The following TEK variants were observed in gnomAD, a reference collection of about 807,000 sequenced individuals.
TEK encodes angiopoietin-1 receptor.
TEK carries 43 observed loss-of-function variants against 131.8 expected under a neutral mutation model. The observed-to-expected ratio is 0.33, with a 90% CI of 0.26 to 0.42. The LOEUF (loss-of-function observed/expected upper bound fraction) is 0.42, where lower values mean the gene tolerates loss of function less well. TEK is among the 10% of genes least tolerant of loss of function. TEK has a pLI of 1.00. For missense variants in TEK, 1,162 were observed against 1,384.4 expected (o/e 0.84, Z 2.55); for synonymous variants, 580 against 491.6 (o/e 1.18, Z -2.38).
chr9:27,151,115 C>T (rs1045634707), intron 1 of TEK, among the ~76,000 whole-genome samples: 3 of 152,154 alleles, frequency 2.0e-5, no homozygotes, highest in African/African-American at 7.2e-5. Flanking sequence ...TATTTCCAGT[C>T]TTGTATATTT....
rs542266167 is a variant in TEK, at chr9:27,126,871, C to G, written c.52+17229C>G. ...CCAGATTTGACTGGATTCCCCGAAG[C>G]AGGCCTCTCCTCACTCACACCCATT... On this transcript the variant is annotated intron_variant, in intron 1 of 22. Coordinates refer to ENST00000380036, the MANE Select transcript of TEK (RefSeq NM_000459.5). 6.6e-5 allele frequency among the ~76,000 whole-genome samples: 10 copies of G among 152,308 alleles called. No homozygotes were observed. The South Asian group carries it at 1.9e-3, about 28-fold the overall frequency.
intron 22 of TEK, 56 bp downstream of exon 22, chr9:27,228,361 G>A (rs1468245874): frequency 7.2e-7 from 1 of 1,385,334 alleles, no homozygotes; most frequent in African/African-American, 1.4e-5. Flanking sequence ...TGTGCCCAGG[G>A]TGGTTCATAA....
intron 2 of TEK, 135 bp from the exon 3 acceptor site, chr9:27,168,360 C>T: frequency 1.4e-6 from 1 of 705,988 alleles, no homozygotes; most frequent in South Asian, 1.5e-5. Flanking sequence ...CATTAGCCAC[C>T]ACTGTTTTTC....
At chr9:27,187,470 T>C (rs1308789828) in intron 9 of TEK, among the ~76,000 whole-genome samples, 1 of 152,198 alleles carries the variant, frequency 6.6e-6, no homozygotes, top group Non-Finnish European at 1.5e-5. Flanking sequence ...AGAATGGCTG[T>C]ATTATGTTCA....
chr9:27,145,230 G>A (rs546637214), intron 1 of TEK, among the ~76,000 whole-genome samples: 1 of 152,282 alleles, frequency 6.6e-6, no homozygotes, highest in South Asian at 2.1e-4. Flanking sequence ...GCAGAGAACT[G>A]GTCTCCTGTT....
intron 11 of TEK, among the ~76,000 whole-genome samples, chr9:27,194,267 A>G (rs1173011521): frequency 6.6e-6 from 1 of 152,226 alleles, no homozygotes; most frequent in Non-Finnish European, 1.5e-5. Flanking sequence ...AAGAACATCC[A>G]CTTTTCTTCT....
chr9:27,190,811 C>T (rs1447876457), intron 10 of TEK, 121 bp downstream of exon 10: 2 of 1,396,354 alleles, frequency 1.4e-6, no homozygotes, highest in Non-Finnish European at 2.0e-6. Flanking sequence ...GTGGCTGTTG[C>T]AGAGGATTCT....
intron 2 of TEK, among the ~76,000 whole-genome samples, chr9:27,165,545 A>G (rs552152459): frequency 3.3e-5 from 5 of 152,324 alleles, no homozygotes; most frequent in African/African-American, 1.2e-4. Context: ...ATGTCAGCAC[A>G]GCAGTGTTGC....
chr9:27,189,112 C>A lies in TEK; in HGVS notation c.1328-1417C>A, dbSNP rs545992071. Among the ~76,000 whole-genome samples, 18 of 152,266 alleles carry A rather than the reference C, an allele frequency of 1.2e-4. No homozygotes were observed. In the South Asian group the frequency reaches 3.7e-3, roughly 32 times the overall value. Reference sequence around the variant, plus strand: ...AAGGTTCTGCATTGTATAATACACACTCTTGGGGAGGAAAAACAAAACGAG... The same window carrying A: ...AAGGTTCTGCATTGTATAATACACAATCTTGGGGAGGAAAAACAAAACGAG... On this transcript the variant is annotated intron_variant, in intron 9 of 22. Coordinates refer to ENST00000380036, the MANE Select transcript of TEK (RefSeq NM_000459.5).
chr9:27,183,969 A>G (rs1472440571), intron 8 of TEK, among the ~76,000 whole-genome samples: 2 of 152,162 alleles, frequency 1.3e-5, no homozygotes, highest in Non-Finnish European at 2.9e-5. Context: ...AACTACTCAT[A>G]TCAGGAGAGT....
At chr9:27,219,990 A>T in intron 20 of TEK, 59 bp from the exon 21 acceptor site, 4 of 1,557,556 alleles carry the variant, frequency 2.6e-6, no homozygotes, top group Non-Finnish European at 3.5e-6. Flanking sequence ...GAAACCCTGG[A>T]CAGGAAGCAT....
chr9:27,139,239 A>AT (rs1334432359), intron 1 of TEK, among the ~76,000 whole-genome samples: 2 of 122,730 alleles, frequency 1.6e-5, no homozygotes, highest in Non-Finnish European at 3.5e-5. Flanking sequence ...TAGGATTCTT[A>AT]TTTTTTATTG....
At chr9:27,196,762 CTTTTTTTTTTTTT>C (rs367911024) in intron 11 of TEK, among the ~76,000 whole-genome samples, 5 of 99,290 alleles carry the variant, frequency 5.0e-5, no homozygotes, top group Admixed American at 2.1e-4. Context: ...GTGCTATACA[CTTTTTTTTTTTTT>C]TTTTTTTTTT....
chr9:27,166,619 A>AT (rs1361146759), intron 2 of TEK, among the ~76,000 whole-genome samples: 2 of 152,026 alleles, frequency 1.3e-5, no homozygotes, highest in Admixed American at 6.6e-5. Context: ...CTTTATAATA[A>AT]TTTTTTCTGT....
chr9:27,138,155 A>G (rs1822567848), intron 1 of TEK, among the ~76,000 whole-genome samples: 1 of 152,262 alleles, frequency 6.6e-6, no homozygotes, highest in Non-Finnish European at 1.5e-5. Context: ...AAGGTAGTGC[A>G]GACCCAAAGA....
intron 18 of TEK, among the ~76,000 whole-genome samples, chr9:27,215,151 A>G (rs1484471224): frequency 6.6e-6 from 1 of 152,194 alleles, no homozygotes; most frequent in Non-Finnish European, 1.5e-5. Flanking sequence ...GCCTCCCAAG[A>G]CTAGCACTGG....
intron 1 of TEK, among the ~76,000 whole-genome samples, chr9:27,154,816 G>T (rs1823270362): frequency 6.6e-6 from 1 of 152,166 alleles, no homozygotes; most frequent in South Asian, 2.1e-4. Context: ...GCGAAGTATA[G>T]TCAAGTCCAG....
intron 21 of TEK, among the ~76,000 whole-genome samples, chr9:27,226,904 G>C (rs7024828): frequency 1.8e-4 from 27 of 151,910 alleles, no homozygotes; most frequent in African/African-American, 6.0e-4. Flanking sequence ...AGGTTGAGCA[G>C]ATAATTTATT....
intron 17 of TEK, among the ~76,000 whole-genome samples, chr9:27,213,187 C>G (rs1355334126): frequency 6.6e-6 from 1 of 152,164 alleles, no homozygotes; most frequent in East Asian, 1.9e-4. Context: ...CTTAAGCTCT[C>G]TTAGCCTGGT....
Sources: allele counts gnomAD v4.1 joint callset (sites outside exome capture counted in the v4.1 genomes callset), GRCh38; gene constraint gnomAD v4.1.1; transcripts MANE v1.5; gene names NCBI Gene and HGNC (gene_info 2026-07-23, HGNC 2026-07-21).